Variants in LRP1B observed in about 807,000 individuals in gnomAD.
LRP1B encodes the protein LDL receptor related protein 1B.
A neutral mutation model predicts 556.6 loss-of-function variants in LRP1B; 217 were observed. The ratio of observed to expected loss-of-function variants is 0.39; its 90% CI spans 0.35 to 0.44. The LOEUF (loss-of-function observed/expected upper bound fraction) is 0.44. Among genes scored for constraint, LRP1B ranks in the 20% least tolerant of loss-of-function variants. The pLI, the probability that LRP1B is intolerant of heterozygous loss-of-function variation, is 1.00. For missense variants in LRP1B, 5,053 were observed against 5,620.8 expected (o/e 0.90, Z 3.23); for synonymous variants, 2,047 against 1,865.8 (o/e 1.10, Z -2.50).
chr2:141,847,799 G>A (rs13387675), intron 1 of LRP1B, among the ~76,000 whole-genome samples: 7,539 of 151,614 alleles, frequency 0.05, 243 homozygotes, highest in Middle Eastern at 0.088. Flanking sequence ...CCACCTATGT[G>A]TGAAGGTTTG....
intron 1 of LRP1B, among the ~76,000 whole-genome samples, chr2:142,090,312 T>C (rs1401323389): frequency 6.6e-6 from 1 of 152,134 alleles, no homozygotes; most frequent in Non-Finnish European, 1.5e-5. Flanking sequence ...ATCAGATACA[T>C]ACTCTTCACC....
chr2:141,255,996 T>G (rs1278570005), intron 3 of LRP1B, among the ~76,000 whole-genome samples: 1 of 151,940 alleles, frequency 6.6e-6, no homozygotes, highest in East Asian at 1.9e-4. Flanking sequence ...GTTCCACAGA[T>G]GCAAAATTCA....
At chr2:141,680,548 A>G (rs1397022533) in intron 2 of LRP1B, among the ~76,000 whole-genome samples, 3 of 152,294 alleles carry the variant, frequency 2.0e-5, no homozygotes, top group Non-Finnish European at 4.4e-5. Context: ...CTATAATGCA[A>G]CATGAAAAGA....
At chr2:140,667,327 TCAGGCAATAGAG>T (rs1685313867) in intron 41 of LRP1B, among the ~76,000 whole-genome samples, 1 of 152,184 alleles carries the variant, frequency 6.6e-6, no homozygotes, top group Non-Finnish European at 1.5e-5. Context: ...CCCGGAGACA[TCAGGCAATAGAG>T]TTGAACCATT....
intron 39 of LRP1B, 35 bp from the exon 40 acceptor site, chr2:140,701,880 T>C (rs773954040): frequency 6.2e-7 from 1 of 1,611,356 alleles, no homozygotes; most frequent in Non-Finnish European, 8.5e-7. Context: ...ATCAACAATC[T>C]TCGACTAATT....
At chr2:141,911,898 T>C (rs1313741066) in intron 1 of LRP1B, among the ~76,000 whole-genome samples, 1 of 152,100 alleles carries the variant, frequency 6.6e-6, no homozygotes, top group Non-Finnish European at 1.5e-5. Context: ...TGGTCATCAA[T>C]TTTTCCTTGA....
At chr2:141,032,826 C>CATACATACAT in intron 11 of LRP1B, among the ~76,000 whole-genome samples, 22 of 126,608 alleles carry the variant, frequency 1.7e-4, no homozygotes, top group African/African-American at 5.2e-4. Flanking sequence ...TATATACATA[C>CATACATACAT]ATATATATAT....
intron 2 of LRP1B, among the ~76,000 whole-genome samples, chr2:141,544,414 T>TCCTCCTCCTCCTCCTCCTC (rs1423875409): frequency 2.2e-5 from 2 of 90,644 alleles, no homozygotes; most frequent in East Asian, 3.6e-4. Context: ...TCCTCCTCCT[T>TCCTCCTCCTCCTCCTCCTC]CTCCTCCTTC....
chr2:140,534,158 A>G lies in LRP1B; in HGVS notation c.7643-18T>C, dbSNP rs2104995343. ...TCTGTTTTCTTATAAATAAAAGTAG[A>G]AACACACAACCAGAGATCATATAGA... On this transcript the variant is annotated intron_variant, in intron 46 of 90. Coordinates refer to ENST00000389484, the MANE Select transcript of LRP1B (RefSeq NM_018557.3). The G allele has an allele frequency of 5.0e-6, 8 of 1,604,222 alleles. No homozygotes were observed. The highest frequency in any genetic ancestry group is 6.8e-6 in the Non-Finnish European group (8 of 1,174,126).
At chr2:140,720,397 T>C (rs2105472721) in intron 35 of LRP1B, among the ~76,000 whole-genome samples, 1 of 152,028 alleles carries the variant, frequency 6.6e-6, no homozygotes, top group Admixed American at 6.6e-5. Context: ...AAGACAAATA[T>C]GAGTCTTTGA....
chr2:141,681,442 T>A (rs549425265), intron 2 of LRP1B, among the ~76,000 whole-genome samples: 65 of 152,248 alleles, frequency 4.3e-4, no homozygotes, highest in African/African-American at 1.4e-3. Context: ...TTCCAAATTA[T>A]CTAGGATAAA....
At chr2:141,936,081 A>T (rs1323554756) in intron 1 of LRP1B, among the ~76,000 whole-genome samples, 1 of 152,204 alleles carries the variant, frequency 6.6e-6, no homozygotes, top group Non-Finnish European at 1.5e-5. Context: ...CTCTAAACAG[A>T]TAAAATTACC....
chr2:142,024,994 TTAATA>T (rs1271965035), intron 1 of LRP1B, among the ~76,000 whole-genome samples: 3 of 152,160 alleles, frequency 2.0e-5, no homozygotes, highest in Non-Finnish European at 4.4e-5. Context: ...AATTAGTAGT[TTAATA>T]TAACATTAGG....
chr2:141,603,728 A>G (rs1687827323), intron 2 of LRP1B, among the ~76,000 whole-genome samples: 1 of 152,196 alleles, frequency 6.6e-6, no homozygotes, highest in South Asian at 2.1e-4. Flanking sequence ...GTAATTGTGT[A>G]TACCATAGTT....
intron 2 of LRP1B, among the ~76,000 whole-genome samples, chr2:141,505,103 A>C (rs28429982): frequency 4.0e-5 from 6 of 148,392 alleles, no homozygotes; most frequent in Middle Eastern, 3.2e-3. Context: ...CTCTCTCTCT[A>C]TCTCTCTCTC....
rs534561005 is a variant in LRP1B at position 141,017,186 on chromosome 2, G to A, written c.1971-1271C>T. 4.2e-4 allele frequency among the ~76,000 whole-genome samples: 55 copies of A among 132,500 alleles called. 1 individual carries two copies. Among genetic ancestry groups the A allele is most frequent in the Admixed American group, 3.7e-3 (45 of 12,032 alleles). The allele number at this position is 132,500 out of a possible 152,430, so 86.9% of individuals were successfully genotyped here. A position where few individuals can be genotyped will look rare whatever the true frequency, so the allele number is the denominator to read the frequency against. On this transcript the variant is annotated intron_variant, in intron 12 of 90. Transcript: ENST00000389484. The stretch of plus-strand genomic sequence containing the variant: ...AATTGGGACAACTTAGTAACAAAAA[G>A]GATAGTCATTCTATTTGCTGTAATT...
At chr2:140,359,931 A>T (rs1201502854) in intron 72 of LRP1B, among the ~76,000 whole-genome samples, 1 of 151,548 alleles carries the variant, frequency 6.6e-6, no homozygotes, top group African/African-American at 2.4e-5. Context: ...TTGACCATCA[A>T]TTCTCAGTAG....
At chr2:140,291,036 T>A (rs550654613) in intron 84 of LRP1B, among the ~76,000 whole-genome samples, 1 of 152,016 alleles carries the variant, frequency 6.6e-6, no homozygotes, top group Admixed American at 6.6e-5. Flanking sequence ...GTTGAAAGGA[T>A]ACATATTCAC....
chr2:141,495,810 ATATC>A (rs1683489703), intron 2 of LRP1B, among the ~76,000 whole-genome samples: 1 of 152,118 alleles, frequency 6.6e-6, no homozygotes, highest in Admixed American at 6.6e-5. Context: ...ATACACATAT[ATATC>A]TGTCACTTCT....
Sources: allele counts gnomAD v4.1 joint callset (sites outside exome capture counted in the v4.1 genomes callset), GRCh38; gene constraint gnomAD v4.1.1; transcripts MANE v1.5; gene names NCBI Gene and HGNC (gene_info 2026-07-23, HGNC 2026-07-21).